Variants in GPC6 observed in about 807,000 individuals in gnomAD.
GPC6 encodes the protein glypican-6.
A neutral mutation model predicts 55.2 loss-of-function variants in GPC6; 14 were observed. The ratio of observed to expected loss-of-function variants is 0.25; its 90% CI spans 0.17 to 0.40. The LOEUF (loss-of-function observed/expected upper bound fraction) is 0.40. GPC6 is among the 10% of genes least tolerant of loss of function. GPC6 has a pLI of 1.00. For synonymous variants in GPC6, 278 were observed against 259.6 expected (o/e 1.07, Z -0.68); for missense variants, 641 against 708.5 (o/e 0.90, Z 1.08).
chr13:93,394,386 T>C (rs1268000701), intron 1 of GPC6, among the ~76,000 whole-genome samples: 1 of 152,234 alleles, frequency 6.6e-6, no homozygotes, highest in East Asian at 1.9e-4. Flanking sequence ...AAATGCTGAT[T>C]GAAGGAACTG....
chr13:94,239,536 T>G (rs550579723), intron 4 of GPC6, among the ~76,000 whole-genome samples: 2 of 152,260 alleles, frequency 1.3e-5, no homozygotes, highest in South Asian at 2.1e-4. Context: ...TTTTTAAAAC[T>G]TTTTTAAAAA....
chr13:94,143,323 T>A (rs1041005575), intron 4 of GPC6, among the ~76,000 whole-genome samples: 2 of 152,156 alleles, frequency 1.3e-5, no homozygotes, highest in African/African-American at 4.8e-5. Context: ...TGTGAGAGAA[T>A]CATTCATAGG....
chr13:94,284,437 A>G (rs1441884458), intron 4 of GPC6, among the ~76,000 whole-genome samples: 7 of 150,750 alleles, frequency 4.6e-5, no homozygotes, highest in African/African-American at 1.7e-4. Context: ...GGGTTATTAT[A>G]TCATATGAAT....
intron 2 of GPC6, among the ~76,000 whole-genome samples, chr13:93,676,127 ATATATATATATATATATATAT>A (rs1263379291): frequency 1.3e-3 from 14 of 10,672 alleles, no homozygotes; most frequent in Admixed American, 4.6e-3. Context: ...AAAAAAAAAA[ATATATATATATATATATATAT>A]ATATATATAT....
At chr13:94,190,093 G>T (rs1473854407) in intron 4 of GPC6, among the ~76,000 whole-genome samples, 5 of 151,902 alleles carry the variant, frequency 3.3e-5, no homozygotes, top group South Asian at 2.1e-4. Flanking sequence ...GGAGGCCAAG[G>T]GGGGCAGATC....
chr13:93,768,163 C>T (rs1326893879), intron 2 of GPC6, among the ~76,000 whole-genome samples: 1 of 152,184 alleles, frequency 6.6e-6, no homozygotes, highest in Non-Finnish European at 1.5e-5. Flanking sequence ...GACAGATGAA[C>T]TCAGGACTTG....
At chr13:93,472,213 T>G (rs1256068620) in intron 1 of GPC6, among the ~76,000 whole-genome samples, 1 of 152,224 alleles carries the variant, frequency 6.6e-6, no homozygotes, top group Non-Finnish European at 1.5e-5. Context: ...TTATTTTTAC[T>G]GATCTTTGGG....
chr13:94,176,684 T>C (rs1888786486), intron 4 of GPC6, among the ~76,000 whole-genome samples: 1 of 152,234 alleles, frequency 6.6e-6, no homozygotes, highest in Non-Finnish European at 1.5e-5. Context: ...TGTATTCTCC[T>C]TCTATTAAGT....
intron 4 of GPC6, among the ~76,000 whole-genome samples, chr13:94,085,764 T>TAAATCTTTAACAA (rs1885259318): frequency 6.6e-6 from 1 of 152,208 alleles, no homozygotes; most frequent in East Asian, 1.9e-4. Context: ...AACTGAGAGT[T>TAAATCTTTAACAA]ACATCTTTAA....
intron 4 of GPC6, among the ~76,000 whole-genome samples, chr13:94,276,405 C>G (rs948901950): frequency 1.3e-5 from 2 of 151,996 alleles, no homozygotes; most frequent in African/African-American, 4.8e-5. Context: ...GTTTAGGGGG[C>G]AGAGGTGGCA....
At chr13:93,442,192 T>A (rs1246689020) in intron 1 of GPC6, among the ~76,000 whole-genome samples, 1 of 152,064 alleles carries the variant, frequency 6.6e-6, no homozygotes, top group Non-Finnish European at 1.5e-5. Context: ...GTGAAAAGGA[T>A]CCACCAGAGG....
intron 6 of GPC6, among the ~76,000 whole-genome samples, chr13:94,334,586 G>A (rs1042009476): frequency 1.2e-4 from 18 of 152,164 alleles, no homozygotes; most frequent in Admixed American, 3.3e-4. Flanking sequence ...GTTAGACATC[G>A]AGTTCTCAAG....
chr13:93,527,057 A>G (rs1881675041), intron 1 of GPC6, among the ~76,000 whole-genome samples: 1 of 151,964 alleles, frequency 6.6e-6, no homozygotes. Context: ...TTTTTTTTTA[A>G]AAAGCTTTCT....
At chr13:93,644,973 A>C (rs1712280408) in intron 2 of GPC6, among the ~76,000 whole-genome samples, 1 of 152,078 alleles carries the variant, frequency 6.6e-6, no homozygotes, top group African/African-American at 2.4e-5. Context: ...AGAACATTTC[A>C]AAGCAATTGA....
intron 2 of GPC6, among the ~76,000 whole-genome samples, chr13:93,554,388 T>C (rs1449343239): frequency 6.6e-6 from 1 of 152,192 alleles, no homozygotes; most frequent in Non-Finnish European, 1.5e-5. Context: ...TATTCTATTA[T>C]TATTGCGCTG....
intron 2 of GPC6, among the ~76,000 whole-genome samples, chr13:93,590,949 C>T (rs1006780350): frequency 2.6e-5 from 4 of 151,638 alleles, no homozygotes; most frequent in Non-Finnish European, 5.9e-5. Context: ...AACTAACCTG[C>T]ACAATGTGCA....
intron 4 of GPC6, among the ~76,000 whole-genome samples, chr13:94,280,882 C>T (rs537466201): frequency 6.6e-6 from 1 of 152,204 alleles, no homozygotes; most frequent in East Asian, 1.9e-4. Context: ...TCATTAAGGA[C>T]AAATTTAGAT....
intron 2 of GPC6, among the ~76,000 whole-genome samples, chr13:93,825,872 T>TC (rs1887221832): frequency 6.8e-6 from 1 of 146,426 alleles, no homozygotes; most frequent in African/African-American, 2.5e-5. Context: ...TTTTTTTTTT[T>TC]TTTTTTTGAG....
chr13:94,061,267 C>A (rs1028019055), intron 4 of GPC6, among the ~76,000 whole-genome samples: 4 of 152,136 alleles, frequency 2.6e-5, no homozygotes, highest in African/African-American at 9.7e-5. Context: ...CTGTTTATAT[C>A]CCATCTTAGT....
Sources: allele counts gnomAD v4.1 joint callset (sites outside exome capture counted in the v4.1 genomes callset), GRCh38; gene constraint gnomAD v4.1.1; transcripts MANE v1.5; gene names NCBI Gene and HGNC (gene_info 2026-07-23, HGNC 2026-07-21).